Variants in ALG13 observed in about 807,000 individuals in gnomAD.
ALG13 encodes UDP-N-acetylglucosamine transferase subunit ALG13.
ALG13 carries 11 observed loss-of-function variants against 87.8 expected under a neutral mutation model. The observed-to-expected ratio is 0.13, with a 90% CI of 0.08 to 0.21. ALG13 has a LOEUF of 0.21. ALG13 is among the 10% of genes least tolerant of loss of function. The pLI, the probability that ALG13 is intolerant of heterozygous loss-of-function variation, is 1.00. For missense variants in ALG13, 756 were observed against 866.1 expected (o/e 0.87, Z 1.60); for synonymous variants, 320 against 306.3 (o/e 1.04, Z -0.47).
intron 3 of ALG13, among the ~76,000 whole-genome samples, chrX:111,704,694 G>C (rs1938446488): frequency 9.0e-6 from 1 of 111,689 alleles, no homozygotes. Flanking sequence ...AGAGGGATTA[G>C]AGGTTGACAG....
intron 3 of ALG13, among the ~76,000 whole-genome samples, chrX:111,700,722 G>A (rs144475300): frequency 1.9e-5 from 2 of 103,906 alleles, no homozygotes; most frequent in Non-Finnish European, 3.9e-5. Flanking sequence ...GATTACAGGC[G>A]CCCGCCACCA....
intron 24 of ALG13, among the ~76,000 whole-genome samples, chrX:111,749,024 A>ACTGAGCCGAGATCATGC (rs1362867206): frequency 9.0e-6 from 1 of 110,991 alleles, no homozygotes; most frequent in Non-Finnish European, 1.9e-5. Flanking sequence ...TGGAGGTTGT[A>ACTGAGCCGAGATCATGC]CTGAGCCGAG....
At chrX:111,752,691 C>G (rs1944867315) in intron 24 of ALG13, 99 bp from the exon 25 acceptor site, 1 of 559,318 alleles carries the variant, frequency 1.8e-6, no homozygotes, top group Non-Finnish European at 2.9e-6. Flanking sequence ...GCTGGGATTA[C>G]AGGCATGAGC....
chrX:111,725,992 G>A (rs988683725), intron 15 of ALG13, among the ~76,000 whole-genome samples: 4 of 112,126 alleles, frequency 3.6e-5, no homozygotes, highest in South Asian at 3.6e-4. Flanking sequence ...GGCCCAGGCC[G>A]GACTGCAGTG....
At chrX:111,701,903 T>C (rs1181287595) in intron 3 of ALG13, among the ~76,000 whole-genome samples, 1 of 111,903 alleles carries the variant, frequency 8.9e-6, no homozygotes, top group Non-Finnish European at 1.9e-5. Flanking sequence ...TTTAATTTCC[T>C]TTTTGATTTA....
At chrX:111,722,690 G>C (rs1174093332) in intron 12 of ALG13, 103 bp from the exon 13 acceptor site, 3 of 536,341 alleles carry the variant, frequency 5.6e-6, no homozygotes, top group Non-Finnish European at 9.5e-6. Context: ...ACTTATAGTG[G>C]TAGCGTTGTC....
At chrX:111,686,031 G>T in intron 3 of ALG13, 1 of 483,271 alleles carries the variant, frequency 2.1e-6, no homozygotes. Context: ...TTTAAGCAGA[G>T]AAATTATGGT....
At chrX:111,706,124 G>A (rs1364111175) in intron 3 of ALG13, among the ~76,000 whole-genome samples, 4 of 108,183 alleles carry the variant, frequency 3.7e-5, no homozygotes, top group Admixed American at 3.0e-4. Flanking sequence ...GTGTGATCTC[G>A]GCTCATGCCA....
At position 111,682,038 on chromosome X, in the gene ALG13, G is replaced by A. The variant is rs371509601; in HGVS notation, c.82-94G>A. Reference sequence around the variant, plus strand: ...ATAGGCTTTTTGGCGGCCGTGCTCCGATGTTAACGTCAAACTTTAGTAGTG... The same window carrying A: ...ATAGGCTTTTTGGCGGCCGTGCTCCAATGTTAACGTCAAACTTTAGTAGTG... On this transcript the variant is annotated intron_variant, in intron 1 of 26. Coordinates refer to ENST00000394780, the MANE Select transcript of ALG13 (RefSeq NM_001099922.3). 2.2e-4 allele frequency: 204 copies of A among 929,378 alleles called. No homozygotes were observed. In the East Asian group the frequency reaches 6.8e-3, roughly 31 times the overall value. 76.6% of individuals were successfully genotyped at this position (929,378 alleles called of 1,213,427 possible). A position where few individuals can be genotyped will look rare whatever the true frequency, so the allele number is the denominator to read the frequency against.
rs1439513956 is a variant in ALG13, at chrX:111,760,159, A to G, written c.*160A>G. 3 of 615,241 alleles carry G rather than the reference A, an allele frequency of 4.9e-6. No individual in the cohort carries two copies. The highest frequency in any genetic ancestry group is 7.1e-6 in the Non-Finnish European group (3 of 423,070). 50.7% of individuals were successfully genotyped at this position (615,241 alleles called of 1,213,427 possible). A position where few individuals can be genotyped will look rare whatever the true frequency, so the allele number is the denominator to read the frequency against. On this transcript the variant is annotated 3_prime_UTR_variant, in exon 27 of 27. Transcript: ENST00000394780. ...CTTTTGATTTAAAATAGTACTTTAAAATTAAGGGGTATTATTTTGGGCTGT... is the reference window on the plus strand; with the variant it reads ...CTTTTGATTTAAAATAGTACTTTAAGATTAAGGGGTATTATTTTGGGCTGT...
chrX:111,703,009 A>G (rs1261289993), intron 3 of ALG13, among the ~76,000 whole-genome samples: 1 of 110,939 alleles, frequency 9.0e-6, no homozygotes, highest in Non-Finnish European at 1.9e-5. Flanking sequence ...TTTTGTGTAT[A>G]AACTGTTCTT....
chrX:111,737,126 A>G (rs1943318077), intron 23 of ALG13: 1 of 255,799 alleles, frequency 3.9e-6, no homozygotes, highest in Non-Finnish European at 6.9e-6. Context: ...GAATTAGGGG[A>G]CTTGTACTAG....
At chrX:111,697,762 A>G (rs1176327852) in intron 3 of ALG13, among the ~76,000 whole-genome samples, 2 of 111,772 alleles carry the variant, frequency 1.8e-5, no homozygotes, top group Non-Finnish European at 3.8e-5. Flanking sequence ...CTGCCTTGGT[A>G]TGTAATTCCT....
Position 111,757,699 on chromosome X carries a change from G to A in ALG13, c.3085G>A (p.Val1029Ile), listed in dbSNP as rs368393741. The change falls in exon 26 of 27, where the codon GTT (valine) becomes ATT (isoleucine). Residue 1029 changes from valine to isoleucine, a missense_variant. Physicochemically the swap from Val to Ile is conservative, Grantham distance 29. Around this residue, in one of 9 missense-constraint regions of ALG13, gnomAD observed 110 missense variants for 104.9 expected, o/e 1.05. Transcript: ENST00000394780. ...TGAGCCACCTCTGGTAGATCAAACC[G>A]TTCCTCAATGCTACAGTGAGGTGAG... is the stretch of plus-strand genomic sequence containing the variant. The part of the protein sequence containing the change: ...YTEPPLVDQT[V>I]PQCYSEVRRE... The A allele has an allele frequency of 9.1e-6, 11 of 1,207,612 alleles. No individual in the cohort carries two copies. The highest frequency in any genetic ancestry group is 7.0e-5 in the African/African-American group (4 of 56,928).
chrX:111,750,435 G>A (rs1424073799), intron 24 of ALG13, among the ~76,000 whole-genome samples: 1 of 111,161 alleles, frequency 9.0e-6, no homozygotes, highest in Non-Finnish European at 1.9e-5. Flanking sequence ...GCATTGTATG[G>A]ATGTATTGGC....
intron 22 of ALG13, 68 bp from the exon 23 acceptor site, chrX:111,736,646 T>C: frequency 9.8e-7 from 1 of 1,015,608 alleles, no homozygotes. Context: ...TTCTGAAGTT[T>C]AGGATCAGAT....
intron 18 of ALG13, 111 bp downstream of exon 18, chrX:111,727,881 C>A: frequency 2.4e-6 from 2 of 847,222 alleles, no homozygotes; most frequent in Non-Finnish European, 3.2e-6. Flanking sequence ...CCAAACAAAG[C>A]CTTTTCTGGA....
intron 23 of ALG13, among the ~76,000 whole-genome samples, chrX:111,741,437 T>C (rs1001921600): frequency 6.2e-5 from 7 of 112,173 alleles, no homozygotes; most frequent in African/African-American, 2.3e-4. Context: ...GAAAAGTATT[T>C]ATAGGCATGG....
chrX:111,681,356 A>G, intron 1 of ALG13, 57 bp downstream of exon 1: 1 of 1,206,376 alleles, frequency 8.3e-7, no homozygotes, highest in Non-Finnish European at 1.1e-6. Context: ...ATCTCCGGCC[A>G]TACTGCCAGC....
Sources: allele counts gnomAD v4.1 joint callset (sites outside exome capture counted in the v4.1 genomes callset), GRCh38; gene constraint gnomAD v4.1.1; regional missense constraint gnomAD v4.1.1; transcripts MANE v1.5; gene names NCBI Gene and HGNC (gene_info 2026-07-23, HGNC 2026-07-21).